RIOK1: variants seen among roughly 807,000 people sequenced by gnomAD.
The protein encoded by RIOK1 is serine/threonine-protein kinase RIO1.
Under a neutral mutation model 73.5 loss-of-function variants are expected in RIOK1, and 66 were observed. The ratio of observed to expected loss-of-function variants is 0.90; its 90% CI spans 0.74 to 1.10. The LOEUF is 1.10. Among genes scored for constraint, RIOK1 ranks in the 50% least tolerant of loss-of-function variants. The pLI, the probability that RIOK1 is intolerant of heterozygous loss-of-function variation, is 0.00. For missense variants in RIOK1, 658 were observed against 699.8 expected, an observed-to-expected ratio of 0.94 and a Z score of 0.67; for synonymous variants, 224 against 226.8, an observed-to-expected ratio of 0.99 and a Z score of 0.11.
At chr6:7,408,725 CTTTTTTTTTTTT>C (rs755581840) in intron 12 of RIOK1, among the ~76,000 whole-genome samples, 1 of 142,148 alleles carries the variant, frequency 7.0e-6, no homozygotes, top group Admixed American at 7.1e-5. Context: ...TTTTCTTTTT[CTTTTTTTTTTTT>C]TTAAATGGAG....
chr6:7,410,358 A>G, intron 12 of RIOK1, 28 bp from the exon 13 acceptor site: 1 of 1,556,964 alleles, frequency 6.4e-7, no homozygotes, highest in Non-Finnish European at 8.9e-7. Flanking sequence ...TGAATATAAA[A>G]GAAAGTCATT....
At chr6:7,414,539 T>C (rs1761955566) in intron 16 of RIOK1, 149 bp downstream of exon 16, 3 of 779,922 alleles carry the variant, frequency 3.8e-6, no homozygotes, top group Non-Finnish European at 2.0e-6. Flanking sequence ...AAGTGTGAAC[T>C]TGACTTTTGG....
chr6:7,395,513 CA>C lies in RIOK1; in HGVS notation c.367+385del, dbSNP rs34911861. ...GGACAATAAGGGCAAAATTCCATCTCAAAAAAAAAAAAAAAGAAAAAAGGAA... is the reference window on the plus strand; with the variant it reads ...GGACAATAAGGGCAAAATTCCATCTCAAAAAAAAAAAAAAGAAAAAAGGAA... On this transcript the variant is annotated intron_variant, in intron 3 of 16. Transcript: ENST00000379834. Among the ~76,000 whole-genome samples, 315 of 108,096 alleles carry C rather than the reference CA, an allele frequency of 2.9e-3. 1 individual carries two copies. The highest frequency in any genetic ancestry group is 9.2e-3 in the African/African-American group (203 of 22,154). 70.9% of individuals were successfully genotyped at this position (108,096 alleles called of 152,430 possible).
At chr6:7,411,532 G>A in intron 14 of RIOK1, 81 bp downstream of exon 14, 3 of 1,468,026 alleles carry the variant, frequency 2.0e-6, no homozygotes, top group Non-Finnish European at 2.8e-6. Context: ...GGCCTTTTAA[G>A]TTCCCCTAAT....
Position 7,389,883 on chromosome 6 carries a change from C to G in RIOK1, c.-120C>G. On this transcript the variant is annotated 5_prime_UTR_variant, in exon 1 of 17. Coordinates refer to ENST00000379834, the MANE Select transcript of RIOK1 (RefSeq NM_031480.3). ...CGTCGCACGTGGTGGCCACTGTTGGCTTCTGAATGGTTTGCAAGGCGGATA... is the reference window on the plus strand; with the variant it reads ...CGTCGCACGTGGTGGCCACTGTTGGGTTCTGAATGGTTTGCAAGGCGGATA... 1 of 732,362 alleles carries G rather than the reference C, an allele frequency of 1.4e-6. No homozygotes were observed. The highest frequency in any genetic ancestry group is 1.8e-5 in the South Asian group (1 of 54,540). The allele number at this position is 732,362 out of a possible 1,614,324, so 45.4% of individuals were successfully genotyped here. A position where few individuals can be genotyped will look rare whatever the true frequency, so the allele number is the denominator to read the frequency against.
At chr6:7,406,478 C>A (rs1761749281) in intron 12 of RIOK1, among the ~76,000 whole-genome samples, 1 of 152,164 alleles carries the variant, frequency 6.6e-6, no homozygotes, top group South Asian at 2.1e-4. Context: ...ATATTCTGTA[C>A]CCATTAAGTA....
chr6:7,408,530 C>T (rs1444503039), intron 12 of RIOK1, among the ~76,000 whole-genome samples: 6 of 152,144 alleles, frequency 3.9e-5, no homozygotes, highest in Admixed American at 2.0e-4. Flanking sequence ...AGTAGTCACA[C>T]TGTGTCACTT....
rs1448363423 is a variant in RIOK1 at position 7,417,595 on chromosome 6, TA to T, written c.*159del. 2.9e-5 allele frequency: 14 copies of T among 488,594 alleles called. No homozygotes were observed. Among genetic ancestry groups the T allele is most frequent in the Non-Finnish European group, 5.2e-5 (14 of 270,244 alleles). The allele number at this position is 488,594 out of a possible 1,614,324, so 30.3% of individuals were successfully genotyped here. ...ATTCAAATGTTTTCATGTAACTATG[TA>T]AAAAGCTCTAAGCTCTAGAGTCTAG... On this transcript the variant is annotated 3_prime_UTR_variant, in exon 17 of 17. Coordinates refer to ENST00000379834, the MANE Select transcript of RIOK1 (RefSeq NM_031480.3).
intron 11 of RIOK1, 103 bp from the exon 12 acceptor site, chr6:7,405,146 G>A (rs369899544): frequency 5.8e-6 from 6 of 1,027,968 alleles, no homozygotes. Flanking sequence ...ACCATTTGCT[G>A]GGAGATGGTA....
intron 2 of RIOK1, among the ~76,000 whole-genome samples, 154 bp downstream of exon 2, chr6:7,393,457 T>A (rs1302131563): frequency 6.6e-6 from 1 of 152,234 alleles, no homozygotes; most frequent in Non-Finnish European, 1.5e-5. Context: ...TCACTTTTCA[T>A]CCTTTCTGTA....
chr6:7,406,297 T>C (rs10458211), intron 12 of RIOK1, among the ~76,000 whole-genome samples: 66,312 of 152,058 alleles, frequency 0.44, 16,802 homozygotes, highest in Middle Eastern at 0.59. Flanking sequence ...ACGCCCGGCC[T>C]CAGAGGCCTT....
At chr6:7,403,762 C>T (rs539452091) in intron 8 of RIOK1, among the ~76,000 whole-genome samples, 179 bp from the exon 9 acceptor site, 9 of 151,776 alleles carry the variant, frequency 5.9e-5, no homozygotes, top group African/African-American at 1.9e-4. Context: ...TTATCATTCT[C>T]GGTGGTACAT....
intron 16 of RIOK1, among the ~76,000 whole-genome samples, chr6:7,416,596 C>T (rs1450001202): frequency 6.9e-6 from 1 of 145,882 alleles, no homozygotes; most frequent in Non-Finnish European, 1.5e-5. Flanking sequence ...TGCAGTGAGC[C>T]GAGATCACGC....
At chr6:7,416,929 T>C (rs1222247640) in intron 16 of RIOK1, among the ~76,000 whole-genome samples, 1 of 152,208 alleles carries the variant, frequency 6.6e-6, no homozygotes, top group Non-Finnish European at 1.5e-5. Flanking sequence ...TCTATGTGTG[T>C]ATTTTATTTA....
Position 7,417,428 on chromosome 6 carries a change from A to G in RIOK1, c.1694A>G (p.Lys565Arg), listed in dbSNP as rs746757404. The change falls in exon 17 of 17, where the codon AAA becomes AGA. Residue 565 changes from lysine (K) to arginine (R), a missense_variant. Physicochemically the swap from Lys to Arg is conservative, Grantham distance 26. Transcript: ENST00000379834. ...KKRKEKTAKT[K>R]KGK ...AGAAAGGAGAAGACAGCCAAGACGA[A>G]AAAAGGCAAATAGAATGAGAACCAT... 4 of 1,546,172 alleles carry G rather than the reference A, an allele frequency of 2.6e-6. No homozygotes were observed. Among genetic ancestry groups the G allele is most frequent in the East Asian group, 4.6e-5 (2 of 43,836 alleles).
chr6:7,403,887 T>A, intron 8 of RIOK1, 54 bp from the exon 9 acceptor site: 1 of 1,243,436 alleles, frequency 8.0e-7, no homozygotes, highest in East Asian at 2.3e-5. Flanking sequence ...TTGTAATTTA[T>A]TTAGATGCCT....
intron 3 of RIOK1, among the ~76,000 whole-genome samples, chr6:7,396,397 GA>G (rs1761474580): frequency 6.6e-6 from 1 of 152,186 alleles, no homozygotes; most frequent in Non-Finnish European, 1.5e-5. Context: ...TAGTCATGTG[GA>G]GTACTAGCAA....
At chr6:7,392,188 C>G (rs1241872386) in intron 1 of RIOK1, among the ~76,000 whole-genome samples, 1 of 148,920 alleles carries the variant, frequency 6.7e-6, no homozygotes, top group Non-Finnish European at 1.5e-5. Flanking sequence ...TCCAGACTTA[C>G]AGCTTCACTT....
intron 12 of RIOK1, among the ~76,000 whole-genome samples, chr6:7,407,007 A>T (rs771861899): frequency 4.9e-4 from 75 of 152,208 alleles, no homozygotes; most frequent in Non-Finnish European, 8.2e-4. Context: ...GTGTATGTAT[A>T]TACTATATTT....
Sources: allele counts gnomAD v4.1 joint callset (sites outside exome capture counted in the v4.1 genomes callset), GRCh38; gene constraint gnomAD v4.1.1; transcripts MANE v1.5; gene names NCBI Gene and HGNC (gene_info 2026-07-23, HGNC 2026-07-21).